DNAJC17: variants seen among roughly 807,000 people sequenced by gnomAD.
DNAJC17 encodes dnaJ homolog subfamily C member 17.
DNAJC17 carries 35 observed loss-of-function variants against 48.1 expected under a neutral mutation model. The ratio of observed to expected loss-of-function variants is 0.73; its 90% CI spans 0.56 to 0.96. The LOEUF is 0.96. Among genes scored for constraint, DNAJC17 ranks in the 50% least tolerant of loss-of-function variants. The pLI is 0.00. For missense variants in DNAJC17, 355 were observed against 377.1 expected, an observed-to-expected ratio of 0.94 and a Z score of 0.48; for synonymous variants, 117 against 142.7, an observed-to-expected ratio of 0.82 and a Z score of 1.28.
At chr15:40,777,673 G>A (rs1268663819) in intron 4 of DNAJC17, among the ~76,000 whole-genome samples, 7 of 151,650 alleles carry the variant, frequency 4.6e-5, no homozygotes, top group Admixed American at 6.6e-5. Flanking sequence ...AGCCGAGATC[G>A]TGCCACTGCA....
At chr15:40,768,121 C>T in intron 10 of DNAJC17, 59 bp from the exon 11 acceptor site, 4 of 1,478,958 alleles carry the variant, frequency 2.7e-6, no homozygotes, top group South Asian at 1.4e-5. Flanking sequence ...GCCTCACAGA[C>T]TCCGAGTACG....
chr15:40,805,236 C>T (rs943306618), intron 1 of DNAJC17, among the ~76,000 whole-genome samples: 2 of 148,492 alleles, frequency 1.3e-5, no homozygotes, highest in African/African-American at 2.5e-5. Flanking sequence ...ATTAGCTGGG[C>T]GTGGTGGCGG....
At chr15:40,776,407 G>A (rs1596078212) in intron 5 of DNAJC17, 115 bp from the exon 6 acceptor site, 16 of 1,445,070 alleles carry the variant, frequency 1.1e-5, no homozygotes, top group Non-Finnish European at 1.4e-5. Context: ...GCAACCTGTG[G>A]GTGGGACAAA....
intron 1 of DNAJC17, among the ~76,000 whole-genome samples, chr15:40,798,932 C>A (rs376881670): frequency 1.3e-5 from 2 of 152,056 alleles, no homozygotes; most frequent in African/African-American, 2.4e-5. Context: ...GAATTTGGCG[C>A]TTGCTGGCTG....
At chr15:40,803,903 A>G (rs1351703356) in intron 1 of DNAJC17, among the ~76,000 whole-genome samples, 1 of 151,568 alleles carries the variant, frequency 6.6e-6, no homozygotes, top group Non-Finnish European at 1.5e-5. Flanking sequence ...GCCCCATCTG[A>G]CCCCCTAGTG....
At position 40,779,250 on chromosome 15, in the gene DNAJC17, C is replaced by T; in HGVS notation, c.268G>A (p.Asp90Asn). The T allele has an allele frequency of 6.2e-7, 1 of 1,614,158 alleles. No individual in the cohort carries two copies. Among genetic ancestry groups the T allele is most frequent in the Non-Finnish European group, 8.5e-7 (1 of 1,180,038 alleles). Residue 90 changes from aspartate to asparagine, a missense_variant, in exon 4 of 11, where the codon GAT (aspartate) becomes AAT (asparagine). By Grantham distance (23) the Asp-to-Asn change is conservative. Coordinates refer to ENST00000220496, the MANE Select transcript of DNAJC17 (RefSeq NM_018163.3). ...KQAAERTQKLDEKRKKVKLDL... is the reference protein window; with the variant it reads ...KQAAERTQKLNEKRKKVKLDL... Reference sequence around the variant, plus strand: ...AGCTTCACTTTCTTCCTTTTCTCATCAAGTTTCTGGGTCCTCTCTGCTGCT... The same window carrying T: ...AGCTTCACTTTCTTCCTTTTCTCATTAAGTTTCTGGGTCCTCTCTGCTGCT...
chr15:40,779,930 G>T lies in DNAJC17; in HGVS notation c.146C>A (p.Ala49Glu). The change falls in exon 2 of 11, where the codon GCA becomes GAA. Residue 49 changes from alanine (A) to glutamate (E), a missense_variant and splice_region_variant. Ala to Glu is a moderately radical substitution (Grantham distance 107). Coordinates refer to ENST00000220496, the MANE Select transcript of DNAJC17 (RefSeq NM_018163.3). ...CCACGCCCTGAGAAGAGTCTCACCT[G>T]CTCTGGGATTATCTGGATTTTTGTC... ...HPDKNPDNPRAAELFHQLSQA... is the reference protein window; with the variant it reads ...HPDKNPDNPREAELFHQLSQA... 1 of 1,613,956 alleles carries T rather than the reference G, an allele frequency of 6.2e-7. No homozygotes were observed. Among genetic ancestry groups the T allele is most frequent in the Non-Finnish European group, 8.5e-7 (1 of 1,179,964 alleles).
chr15:40,776,063 G>A (rs1889309101), intron 6 of DNAJC17, 133 bp downstream of exon 6: 8 of 744,310 alleles, frequency 1.1e-5, no homozygotes, highest in South Asian at 5.2e-5. Context: ...GTCAGAGTAA[G>A]GTACCATAGG....
chr15:40,788,498 C>T (rs529845427), intron 1 of DNAJC17, among the ~76,000 whole-genome samples: 59 of 152,226 alleles, frequency 3.9e-4, no homozygotes, highest in African/African-American at 1.4e-3. Flanking sequence ...AGATCGAGAC[C>T]ATCCTGGCTA....
chr15:40,771,231 G>C, intron 10 of DNAJC17: 1 of 600,140 alleles, frequency 1.7e-6, no homozygotes, highest in Non-Finnish European at 3.0e-6. Context: ...CCAGAGTGGA[G>C]GGACAGAGGC....
chr15:40,776,769 C>T (rs867473936), intron 4 of DNAJC17, 142 bp from the exon 5 acceptor site: 43 of 728,660 alleles, frequency 5.9e-5, no homozygotes, highest in Non-Finnish European at 8.2e-5. Flanking sequence ...TCCATGCCCA[C>T]GCCCCCGAGT....
rs7166719 is a variant in DNAJC17 at position 40,775,473 on chromosome 15, C to T, written c.522+80G>A. ...ATCCAGCAGCCCCACCAGAAACCCT[C>T]GAGCCACAGGAAGCATCTATTCCTG... On this transcript the variant is annotated intron_variant, in intron 7 of 10. Transcript: ENST00000220496. 9.3e-3 allele frequency: 14,140 copies of T among 1,513,016 alleles called. 1,158 individuals carry two copies. In the African/African-American group the frequency reaches 0.17, roughly 19 times the overall value. The allele number at this position is 1,513,016 out of a possible 1,614,324, so 93.7% of individuals were successfully genotyped here.
chr15:40,792,776 G>C (rs1319380762), intron 1 of DNAJC17, among the ~76,000 whole-genome samples: 2 of 152,124 alleles, frequency 1.3e-5, no homozygotes, highest in Admixed American at 1.3e-4. Context: ...ATCTTGATTG[G>C]AGCTCTAGTC....
chr15:40,789,767 T>G (rs1889742121), intron 1 of DNAJC17, among the ~76,000 whole-genome samples: 1 of 151,246 alleles, frequency 6.6e-6, no homozygotes, highest in Non-Finnish European at 1.5e-5. Context: ...TATAAACAAA[T>G]TTGTATTAGT....
intron 1 of DNAJC17, among the ~76,000 whole-genome samples, chr15:40,787,906 A>C (rs1889685351): frequency 6.6e-6 from 1 of 152,216 alleles, no homozygotes; most frequent in Non-Finnish European, 1.5e-5. Context: ...AGGGATCATT[A>C]TTTTTTAAAA....
chr15:40,781,704 G>A (rs1175695455), intron 1 of DNAJC17, among the ~76,000 whole-genome samples: 2 of 151,690 alleles, frequency 1.3e-5, no homozygotes, highest in Admixed American at 6.6e-5. Flanking sequence ...GGTGGATCAC[G>A]AGGTCAGGAG....
At chr15:40,792,435 G>A in intron 1 of DNAJC17, 1 of 982,306 alleles carries the variant, frequency 1.0e-6, no homozygotes, top group Non-Finnish European at 1.2e-6. Flanking sequence ...CAAACATCTG[G>A]CTTCCCCAGG....
At chr15:40,802,063 C>T (rs970205245) in intron 1 of DNAJC17, among the ~76,000 whole-genome samples, 1 of 151,866 alleles carries the variant, frequency 6.6e-6, no homozygotes, top group Admixed American at 6.6e-5. Flanking sequence ...TAGGGAGGTA[C>T]TGAGAATGAC....
intron 1 of DNAJC17, among the ~76,000 whole-genome samples, chr15:40,802,792 T>C (rs1014801101): frequency 2.6e-5 from 4 of 152,090 alleles, no homozygotes; most frequent in African/African-American, 9.7e-5. Flanking sequence ...TAGGGCTTCT[T>C]TGACTTTTGG....
Sources: allele counts gnomAD v4.1 joint callset (sites outside exome capture counted in the v4.1 genomes callset), GRCh38; gene constraint gnomAD v4.1.1; transcripts MANE v1.5; gene names NCBI Gene and HGNC (gene_info 2026-07-23, HGNC 2026-07-21).